Variants in RALGPS1 observed in about 807,000 individuals in gnomAD.
RALGPS1 encodes ras-specific guanine nucleotide-releasing factor RalGPS1.
RALGPS1 carries 19 observed loss-of-function variants against 78.8 expected under a neutral mutation model. The ratio of observed to expected loss-of-function variants is 0.24; its 90% confidence interval spans 0.17 to 0.35. The LOEUF (loss-of-function observed/expected upper bound fraction) is 0.35. Ranked by LOEUF, RALGPS1 falls within the 10% of genes least tolerant of loss-of-function variation. The probability of loss-of-function intolerance (pLI) is 1.00; values close to 1 mark genes in which losing one functional copy is unlikely to be tolerated. For synonymous variants in RALGPS1, 228 were observed against 256.3 expected (o/e 0.89, Z 1.06); for missense variants, 454 against 688.3 (o/e 0.66, Z 3.81).
At chr9:127,008,430 C>A (rs2044054085) in intron 4 of RALGPS1, among the ~76,000 whole-genome samples, 1 of 152,168 alleles carries the variant, frequency 6.6e-6, no homozygotes, top group African/African-American at 2.4e-5. Flanking sequence ...GCCACCAGAA[C>A]CTCATTACTG....
intron 4 of RALGPS1, among the ~76,000 whole-genome samples, chr9:126,993,094 G>A (rs994377454): frequency 6.6e-6 from 1 of 152,162 alleles, no homozygotes; most frequent in Admixed American, 6.5e-5. Context: ...GGGTATTTGA[G>A]TTTTATCAAA....
At chr9:127,051,248 G>A (rs1434294853) in intron 6 of RALGPS1, among the ~76,000 whole-genome samples, 1 of 152,216 alleles carries the variant, frequency 6.6e-6, no homozygotes, top group Non-Finnish European at 1.5e-5. Flanking sequence ...AGTAGGATGT[G>A]GTTCCATTCC....
intron 4 of RALGPS1, among the ~76,000 whole-genome samples, chr9:127,026,955 G>A (rs72764354): frequency 0.051 from 7,694 of 152,240 alleles, 276 homozygotes; most frequent in Middle Eastern, 0.14. Context: ...AGCAGGCAGC[G>A]GGTGGGGGTG....
In RALGPS1 at chr9:126,962,333, C is replaced by A. The variant is rs1488108962; in HGVS notation, c.44C>A (p.Ser15Tyr). 6.2e-7 allele frequency: 1 copy of A among 1,614,158 alleles called. No homozygotes were observed. The highest frequency in any genetic ancestry group is 1.7e-5 in the Admixed American group (1 of 60,026). Reference protein sequence around the residue: ...NGLMASVLVTSATPQGSSSSD... With the variant: ...NGLMASVLVTYATPQGSSSSD... ...CTGATGGCTAGCGTGTTGGTCACCT[C>A]TGCCACTCCACAGGTACTGAGGCTG... The change falls in exon 2 of 19, where the codon TCT (serine) becomes TAT (tyrosine). Residue 15 changes from serine to tyrosine, a missense_variant. Coordinates refer to ENST00000259351, the MANE Select transcript of RALGPS1 (RefSeq NM_014636.3).
chr9:127,196,899 C>T (rs2061376877), intron 13 of RALGPS1, among the ~76,000 whole-genome samples: 1 of 152,212 alleles, frequency 6.6e-6, no homozygotes, highest in South Asian at 2.1e-4. Context: ...AAAAAGCAGC[C>T]AAACACATGC....
chr9:127,123,322 A>T (rs1294437582), intron 8 of RALGPS1, among the ~76,000 whole-genome samples: 3 of 152,224 alleles, frequency 2.0e-5, no homozygotes, highest in Non-Finnish European at 4.4e-5. Context: ...AAGCTCTGTG[A>T]CTTCACACCT....
At position 127,047,890 on chromosome 9, in the gene RALGPS1, G is replaced by T. The variant is rs191993600; in HGVS notation, c.301-2153G>T. ...AAACTTAAGTTTTGTAGTTAGAAAAGAAAATAAAATAAAAAAGTGTTTACA... is the reference window on the plus strand; with the variant it reads ...AAACTTAAGTTTTGTAGTTAGAAAATAAAATAAAATAAAAAAGTGTTTACA... On this transcript the variant is annotated intron_variant, in intron 5 of 18. Coordinates refer to ENST00000259351, the MANE Select transcript of RALGPS1 (RefSeq NM_014636.3). Among the ~76,000 whole-genome samples, 488 of 152,130 alleles carry T rather than the reference G, an allele frequency of 3.2e-3. 2 individuals are homozygous for T. Among genetic ancestry groups the T allele is most frequent in the African/African-American group, 0.01 (433 of 41,482 alleles).
At chr9:127,135,189 A>G (rs975464435) in intron 8 of RALGPS1, among the ~76,000 whole-genome samples, 3 of 152,204 alleles carry the variant, frequency 2.0e-5, no homozygotes, top group Non-Finnish European at 4.4e-5. Flanking sequence ...TTTGGGTCAC[A>G]TTGAACATAG....
intron 5 of RALGPS1, among the ~76,000 whole-genome samples, chr9:127,037,903 A>C (rs2134808738): frequency 6.6e-6 from 1 of 152,340 alleles, no homozygotes; most frequent in South Asian, 2.1e-4. Context: ...CCTATGGAGG[A>C]GAGGCGGTAG....
At chr9:126,995,472 A>G (rs2042657620) in intron 4 of RALGPS1, among the ~76,000 whole-genome samples, 1 of 152,234 alleles carries the variant, frequency 6.6e-6, no homozygotes, top group Non-Finnish European at 1.5e-5. Context: ...ATTCAACAAG[A>G]AGAGCTAACT....
At chr9:127,161,916 A>G (rs1235108918) in intron 8 of RALGPS1, among the ~76,000 whole-genome samples, 1 of 152,160 alleles carries the variant, frequency 6.6e-6, no homozygotes, top group Non-Finnish European at 1.5e-5. Flanking sequence ...ATAAAATCAC[A>G]ATGAAACCTC....
At position 127,097,226 on chromosome 9, in the gene RALGPS1, T is replaced by C. The variant is rs141430518; in HGVS notation, c.610+27870T>C. On this transcript the variant is annotated intron_variant, in intron 8 of 18. Transcript: ENST00000259351. The stretch of plus-strand genomic sequence containing the variant: ...CCTTTTGGTGTTCTTTGCCCATTTT[T>C]CAACGATTGTAGTGTCTGTTATGAT... Among the ~76,000 whole-genome samples, 44 of 152,394 alleles carry C rather than the reference T, an allele frequency of 2.9e-4. No homozygotes were observed. The East Asian group carries it at 6.7e-3, about 23-fold the overall frequency.
At chr9:127,073,671 T>C (rs1379097775) in intron 8 of RALGPS1, among the ~76,000 whole-genome samples, 1 of 152,180 alleles carries the variant, frequency 6.6e-6, no homozygotes, top group African/African-American at 2.4e-5. Context: ...AAGCAATCGC[T>C]ATACTGTTTT....
intron 4 of RALGPS1, among the ~76,000 whole-genome samples, chr9:127,001,086 T>TACAAAACAAAACAAAACAAAACAAA (rs60748253): frequency 1.5e-5 from 2 of 137,602 alleles, no homozygotes; most frequent in African/African-American, 2.7e-5. Flanking sequence ...ACTCTGTCTC[T>TACAAAACAAAACAAAACAAAACAAA]ACAAAACAAA....
chr9:126,958,785 G>A (rs2038607307), intron 1 of RALGPS1, among the ~76,000 whole-genome samples: 1 of 152,162 alleles, frequency 6.6e-6, no homozygotes, highest in African/African-American at 2.4e-5. Context: ...ATACCTAGGA[G>A]TAGAATTACT....
At chr9:127,158,954 G>A (rs574244601) in intron 8 of RALGPS1, among the ~76,000 whole-genome samples, 42 of 151,952 alleles carry the variant, frequency 2.8e-4, no homozygotes, top group African/African-American at 9.2e-4. Flanking sequence ...GAAGCCACAC[G>A]GGTTATGAGT....
At chr9:127,184,192 G>C in intron 11 of RALGPS1, 2 of 768,026 alleles carry the variant, frequency 2.6e-6, no homozygotes, top group Non-Finnish European at 4.1e-6. Flanking sequence ...GGGCATGGTG[G>C]TGCGTGCCTA....
intron 11 of RALGPS1, among the ~76,000 whole-genome samples, chr9:127,185,606 G>C (rs1259082555): frequency 2.0e-5 from 3 of 152,236 alleles, no homozygotes; most frequent in African/African-American, 7.2e-5. Context: ...GCACCTTGTA[G>C]ATGCTCAGTA....
At chr9:127,177,818 G>A in intron 11 of RALGPS1, 1 of 1,543,674 alleles carries the variant, frequency 6.5e-7, no homozygotes. Context: ...CTAGGAGCCA[G>A]CCCTGGCCCA....
Sources: gnomAD v4.1 joint callset for allele counts (sites outside exome capture counted in the v4.1 genomes callset) on GRCh38, gnomAD v4.1.1 for gene constraint, MANE v1.5 for transcripts, NCBI Gene and HGNC (gene_info 2026-07-23, HGNC 2026-07-21) for gene names.